Variants in WWOX observed in about 807,000 individuals in gnomAD.
WWOX encodes WW domain-containing oxidoreductase.
WWOX carries 69 observed loss-of-function variants against 46.2 expected under a neutral mutation model. The ratio of observed to expected loss-of-function variants is 1.49; its 90% CI spans 1.23 to 1.82. WWOX has a LOEUF of 1.82. Ranked by LOEUF, WWOX falls within the 40% of genes most tolerant of loss-of-function variation. The pLI is 0.00. For missense variants in WWOX, 919 were observed against 542.6 expected (o/e 1.69, Z -6.89); for synonymous variants, 359 against 202.6 (o/e 1.77, Z -6.56).
intron 8 of WWOX, among the ~76,000 whole-genome samples, chr16:79,177,439 G>A (rs535903037): frequency 2.0e-5 from 3 of 152,166 alleles, no homozygotes; most frequent in Admixed American, 6.5e-5. Flanking sequence ...ACACACTTCC[G>A]CTAACCTCTT....
intron 8 of WWOX, among the ~76,000 whole-genome samples, chr16:78,853,835 T>C (rs1224934495): frequency 6.6e-6 from 1 of 152,138 alleles, no homozygotes; most frequent in Admixed American, 6.5e-5. Flanking sequence ...AGCGAAGCCC[T>C]CAGCAATAGA....
At chr16:78,615,801 A>G (rs1322505011) in intron 8 of WWOX, among the ~76,000 whole-genome samples, 1 of 150,852 alleles carries the variant, frequency 6.6e-6, no homozygotes, top group Non-Finnish European at 1.5e-5. Flanking sequence ...CCCAGGCTGG[A>G]GTGCAGTGGC....
chr16:78,127,516 G>GAAAAAAA (rs35507203), intron 4 of WWOX, among the ~76,000 whole-genome samples: 3 of 122,368 alleles, frequency 2.5e-5, no homozygotes, highest in Non-Finnish European at 3.5e-5. Context: ...ATAATCAACG[G>GAAAAAAA]AAAAAAAAAA....
chr16:78,275,048 T>C (rs2079551171), intron 5 of WWOX, among the ~76,000 whole-genome samples: 2 of 152,198 alleles, frequency 1.3e-5, no homozygotes, highest in Admixed American at 1.3e-4. Flanking sequence ...TCCCATGATA[T>C]AACAGGTTTT....
rs1041219816 is a variant in WWOX, at chr16:79,194,447, A to G, written c.1057-17161A>G. On this transcript the variant is annotated intron_variant, in intron 8 of 8. Coordinates refer to ENST00000566780, the MANE Select transcript of WWOX (RefSeq NM_016373.4). ...TATGAAATATAGATGGACTGTGAAGATGAAGAAAGGTTCTGGTTATGAACT... is the reference window on the plus strand; with the variant it reads ...TATGAAATATAGATGGACTGTGAAGGTGAAGAAAGGTTCTGGTTATGAACT... Among the ~76,000 whole-genome samples the G allele has an allele frequency of 2.6e-5, 4 of 152,172 alleles. No individual in the cohort carries two copies. In the East Asian group the frequency reaches 7.7e-4, roughly 29 times the overall value.
At chr16:78,968,703 C>T (rs1044829734) in intron 8 of WWOX, among the ~76,000 whole-genome samples, 1 of 152,126 alleles carries the variant, frequency 6.6e-6, no homozygotes, top group East Asian at 1.9e-4. Flanking sequence ...CTTTCTTCTT[C>T]CTCTTCTTCT....
At chr16:78,214,935 C>T (rs1284355005) in intron 5 of WWOX, among the ~76,000 whole-genome samples, 1 of 151,858 alleles carries the variant, frequency 6.6e-6, no homozygotes, top group Non-Finnish European at 1.5e-5. Context: ...GTATTTGATA[C>T]TTAATCATAT....
intron 8 of WWOX, among the ~76,000 whole-genome samples, chr16:78,791,991 T>G (rs1597616726): frequency 6.6e-6 from 1 of 152,148 alleles, no homozygotes; most frequent in Non-Finnish European, 1.5e-5. Flanking sequence ...GGAGGAAATT[T>G]CTTTCAGAAG....
chr16:78,633,647 C>G (rs764362470), intron 8 of WWOX, among the ~76,000 whole-genome samples: 2 of 152,150 alleles, frequency 1.3e-5, no homozygotes, highest in African/African-American at 2.4e-5. Context: ...CTGCAAGGCC[C>G]GCTTCTCAAG....
At chr16:78,765,677 T>TA (rs922575064) in intron 8 of WWOX, among the ~76,000 whole-genome samples, 153 of 150,948 alleles carry the variant, frequency 1.0e-3, no homozygotes, top group African/African-American at 3.3e-3. Context: ...AGACTCTGTC[T>TA]AAAAAAAAAG....
At chr16:79,009,031 T>C (rs1411950252) in intron 8 of WWOX, among the ~76,000 whole-genome samples, 2 of 152,224 alleles carry the variant, frequency 1.3e-5, no homozygotes, top group East Asian at 3.9e-4. Context: ...AAACATGTTC[T>C]AACTTGATTG....
At chr16:78,207,805 T>A (rs2036442842) in intron 5 of WWOX, among the ~76,000 whole-genome samples, 1 of 151,656 alleles carries the variant, frequency 6.6e-6, no homozygotes, top group Non-Finnish European at 1.5e-5. Context: ...CATGCTTTTT[T>A]ATTTTATTTT....
At chr16:79,074,169 C>G (rs930292958) in intron 8 of WWOX, among the ~76,000 whole-genome samples, 1 of 152,030 alleles carries the variant, frequency 6.6e-6, no homozygotes, top group Non-Finnish European at 1.5e-5. Context: ...ACTCCGACCC[C>G]AAGTTGGAGC....
Position 78,847,224 on chromosome 16 carries a change from G to A in WWOX, c.1057-364384G>A, listed in dbSNP as rs907452500. Among the ~76,000 whole-genome samples the A allele has an allele frequency of 6.6e-5, 10 of 152,170 alleles. No individual in the cohort carries two copies. In the South Asian group the frequency reaches 1.9e-3, roughly 28 times the overall value. The stretch of plus-strand genomic sequence containing the variant: ...GGTGCTAGTTGCGCTCATTACTGCT[G>A]GAGTGTCATTGCTTCTAGAACTTCT... On this transcript the variant is annotated intron_variant, in intron 8 of 8. Coordinates refer to ENST00000566780, the MANE Select transcript of WWOX (RefSeq NM_016373.4).
At chr16:79,069,276 C>G (rs1446736338) in intron 8 of WWOX, among the ~76,000 whole-genome samples, 1 of 152,224 alleles carries the variant, frequency 6.6e-6, no homozygotes, top group Non-Finnish European at 1.5e-5. Context: ...TGCCAGTTCT[C>G]TTACGCACTC....
At chr16:78,222,867 G>A (rs1351899389) in intron 5 of WWOX, among the ~76,000 whole-genome samples, 2 of 152,164 alleles carry the variant, frequency 1.3e-5, no homozygotes, top group Non-Finnish European at 2.9e-5. Flanking sequence ...AGATCTTCCC[G>A]CTCGCTGTGG....
At chr16:79,112,359 C>G (rs1228860988) in intron 8 of WWOX, among the ~76,000 whole-genome samples, 1 of 152,078 alleles carries the variant, frequency 6.6e-6, no homozygotes, top group Admixed American at 6.6e-5. Context: ...CATGACAGAC[C>G]AAAAGAGCCA....
At chr16:78,469,961 T>C (rs1368658780) in intron 8 of WWOX, among the ~76,000 whole-genome samples, 1 of 152,226 alleles carries the variant, frequency 6.6e-6, no homozygotes, top group Non-Finnish European at 1.5e-5. Context: ...TGTTGGTACG[T>C]TATTGAAGGT....
chr16:79,195,558 C>G (rs1177611066), intron 8 of WWOX, among the ~76,000 whole-genome samples: 1 of 152,152 alleles, frequency 6.6e-6, no homozygotes, highest in African/African-American at 2.4e-5. Flanking sequence ...ACAATATCCA[C>G]TACAGTTTCT....
Sources: gnomAD v4.1 joint callset for allele counts (sites outside exome capture counted in the v4.1 genomes callset) on GRCh38, gnomAD v4.1.1 for gene constraint, MANE v1.5 for transcripts, NCBI Gene and HGNC (gene_info 2026-07-23, HGNC 2026-07-21) for gene names.